The following GPAT2 variants were observed in gnomAD, a reference collection of about 807,000 sequenced individuals.
GPAT2 encodes the protein glycerol-3-phosphate acyltransferase 2, mitochondrial.
Under a neutral mutation model 71.0 loss-of-function variants are expected in GPAT2, and 51 were observed. That is an observed-to-expected ratio of 0.72 (90% CI 0.57 to 0.91). The LOEUF (loss-of-function observed/expected upper bound fraction) is 0.91, where lower values mean the gene tolerates loss of function less well. Ranked by LOEUF, GPAT2 falls within the 40% of genes least tolerant of loss-of-function variation. The pLI is 0.00. For synonymous variants in GPAT2, 222 were observed against 290.3 expected (o/e 0.76, Z 2.39); for missense variants, 511 against 666.0 (o/e 0.77, Z 2.56).
intron 20 of GPAT2, 83 bp from the exon 21 acceptor site, chr2:96,022,806 A>C (rs1308710774): frequency 1.9e-6 from 3 of 1,613,708 alleles, no homozygotes; most frequent in East Asian, 2.2e-5. Flanking sequence ...TTGTTTAAAG[A>C]AGCCCAGGGA....
Position 96,024,309 on chromosome 2 carries a change from G to C in GPAT2, c.1716C>G (p.Gly572=). ...CCCAGGGCCCCTGGGGCGGCACTCT[G>C]CCTGCCAGCAGCCCCCGCACTGCAC... is the stretch of plus-strand genomic sequence containing the variant. ...GACAVRGLLA[G]RVPPQGPWEL... Residue 572 remains glycine, a synonymous_variant, in exon 16 of 22, where the codon GGC becomes GGG. Transcript: ENST00000434632. 1 of 1,567,718 alleles carries C rather than the reference G, an allele frequency of 6.4e-7. No individual in the cohort carries two copies. Among genetic ancestry groups the C allele is most frequent in the Non-Finnish European group, 8.7e-7 (1 of 1,155,072 alleles).
intron 21 of GPAT2, 32 bp downstream of exon 21, chr2:96,022,636 G>T: frequency 1.2e-6 from 2 of 1,610,112 alleles, no homozygotes; most frequent in Non-Finnish European, 1.7e-6. Flanking sequence ...GGGAGCAGGG[G>T]GACAGAAGAT....
chr2:96,023,648 G>C, intron 17 of GPAT2: 1 of 659,032 alleles, frequency 1.5e-6, no homozygotes, highest in Non-Finnish European at 2.6e-6. Context: ...CTGTGGCCAA[G>C]AAATGTGGGG....
In GPAT2 at chr2:96,026,000, T is replaced by G. The variant is rs774553170; in HGVS notation, c.1168A>C (p.Ser390Arg). ...QPFSLQEYIV[S>R]ARSCWGGRQT... is the part of the protein sequence containing the mutation. ...CTGCCGCCCCAGCAGCTTCTGGCAC[T>G]GACGATGTATTCCTGCCCAAGAGAA... The change falls in exon 12 of 22, where the codon AGT becomes CGT. Residue 390 changes from serine (S) to arginine (R), a missense_variant. Coordinates refer to ENST00000434632, the MANE Select transcript of GPAT2 (RefSeq NM_001321527.2). 4.3e-6 allele frequency: 7 copies of G among 1,612,686 alleles called. No homozygotes were observed. The Admixed American group carries it at 1.2e-4, about 27-fold the overall frequency.
At position 96,024,641 on chromosome 2, in the gene GPAT2, C is replaced by T; in HGVS notation, c.1473G>A (p.Thr491=). The change falls in exon 15 of 22, where the codon ACG becomes ACA. Residue 491 remains threonine, a synonymous_variant. Coordinates refer to ENST00000434632, the MANE Select transcript of GPAT2 (RefSeq NM_001321527.2). Reference sequence around the variant, plus strand: ...CAAAGCCACGCAACAGTATCTCCTCCGTCAGCCAGGAGAACTCCCCCAGGA... The same window carrying T: ...CAAAGCCACGCAACAGTATCTCCTCTGTCAGCCAGGAGAACTCCCCCAGGA... ...SQLLGEFSWL[T]EEILLRGFDV... is the part of the protein sequence containing the mutation. The T allele has an allele frequency of 5.0e-6, 8 of 1,613,884 alleles. No homozygotes were observed. Among genetic ancestry groups the T allele is most frequent in the South Asian group, 1.1e-5 (1 of 91,088 alleles).
At chr2:96,023,611 G>A in intron 17 of GPAT2, 171 bp from the exon 18 acceptor site, 2 of 718,636 alleles carry the variant, frequency 2.8e-6, no homozygotes, top group South Asian at 3.7e-5. Flanking sequence ...GAGAGGAAGT[G>A]AATTCCCACC....
intron 16 of GPAT2, 33 bp downstream of exon 16, chr2:96,024,156 C>T (rs1248653594): frequency 6.7e-7 from 1 of 1,498,736 alleles, no homozygotes; most frequent in East Asian, 2.4e-5. Flanking sequence ...AGGGGAAGGC[C>T]TAGGACCAAG....
Position 96,024,851 on chromosome 2 carries a change from G to A in GPAT2, c.1358-8C>T. ...CAGAGCTCCCTACACTGGCTGGAGT[G>A]GGGCGGGGGGTGGAGATGCTGGTCA... is the stretch of plus-strand genomic sequence containing the variant. On this transcript the variant is annotated splice_region_variant and splice_polypyrimidine_tract_variant and intron_variant, in intron 13 of 21. Coordinates refer to ENST00000434632, the MANE Select transcript of GPAT2 (RefSeq NM_001321527.2). The A allele has an allele frequency of 6.2e-7, 1 of 1,612,444 alleles. No individual in the cohort carries two copies. The highest frequency in any genetic ancestry group is 8.5e-7 in the Non-Finnish European group (1 of 1,179,926).
chr2:96,022,581 G>C, intron 21 of GPAT2, 87 bp downstream of exon 21: 2 of 1,351,732 alleles, frequency 1.5e-6, no homozygotes, highest in Non-Finnish European at 2.1e-6. Flanking sequence ...GCCCTGTGGA[G>C]TGATGGGGAC....
rs1679893094 is a variant in GPAT2, at chr2:96,023,151, CAAAGGCCT to C, written c.2114_2121del (p.Lys705SerfsTer16). 6.2e-7 allele frequency: 1 copy of C among 1,608,460 alleles called. No individual in the cohort carries two copies. Among genetic ancestry groups the C allele is most frequent in the Non-Finnish European group, 8.5e-7 (1 of 1,177,320 alleles). On this transcript the variant is annotated frameshift_variant, in exon 19 of 22. Transcript: ENST00000434632. LOFTEE classifies it high-confidence loss of function. ...TGGCGGAGGAAGGCGGCAGCCTGTG[CAAAGGCCT>C]TGAGCAGCGGGCTGAGCAGGCGGCA...
Position 96,024,826 on chromosome 2 carries a change from C to T in GPAT2, c.1375G>A (p.Ala459Thr). ...GCCATAATGGCCGTGCTCATCACCG[C>T]AGAGCTCCCTACACTGGCTGGAGTG... ...HVLSASVGSS[A>T]VMSTAIMATL... is the part of the protein sequence containing the mutation. The change falls in exon 14 of 22, where the codon GCG becomes ACG. Residue 459 changes from alanine (A) to threonine (T), a missense_variant. Physicochemically the swap from Ala to Thr is moderately conservative, Grantham distance 58. Transcript: ENST00000434632. 6.2e-7 allele frequency: 1 copy of T among 1,613,402 alleles called. No individual in the cohort carries two copies. The highest frequency in any genetic ancestry group is 8.5e-7 in the Non-Finnish European group (1 of 1,179,974).
intron 3 of GPAT2, 45 bp downstream of exon 3, chr2:96,031,988 C>G (rs560257891): frequency 1.4e-6 from 2 of 1,477,838 alleles, no homozygotes; most frequent in South Asian, 1.2e-5. Flanking sequence ...CTTCGGCTCC[C>G]AGAACCAAGC....
rs1407149683 is a variant in GPAT2 at position 96,026,297 on chromosome 2, G to C, written c.1041C>G (p.Ala347=). The change falls in exon 11 of 22, where the codon GCC becomes GCG. Residue 347 remains alanine (A), a synonymous_variant. Transcript: ENST00000434632. ...DAPCDIDHAS[A]PLGLWTGALA... ...GAGCTCCTGTCCACAGCCCCAGGGG[G>C]GCCGAGGCCTGCAAGGAGGGAAAGG... 1.3e-6 allele frequency: 2 copies of C among 1,545,110 alleles called. No individual in the cohort carries two copies. Among genetic ancestry groups the C allele is most frequent in the South Asian group, 2.4e-5 (2 of 81,816 alleles).
chr2:96,023,500 C>G, intron 17 of GPAT2, 60 bp from the exon 18 acceptor site: 8 of 1,576,096 alleles, frequency 5.1e-6, no homozygotes, highest in Non-Finnish European at 7.0e-6. Flanking sequence ...CCTACACCCC[C>G]AGACCAGGTA....
rs1680159778 is a variant in GPAT2 at position 96,024,625 on chromosome 2, G to GCA, written c.1487_1488dup (p.Arg497CysfsTer6). On this transcript the variant is annotated frameshift_variant, in exon 15 of 22. Coordinates refer to ENST00000434632, the MANE Select transcript of GPAT2 (RefSeq NM_001321527.2). LOFTEE classifies it high-confidence loss of function. ...CCAGAGAAGCCTACATCAAAGCCACGCAACAGTATCTCCTCCGTCAGCCAG... is the reference window on the plus strand; with the variant it reads ...CCAGAGAAGCCTACATCAAAGCCACGCACAACAGTATCTCCTCCGTCAGCCAG... The GCA allele has an allele frequency of 1.2e-6, 2 of 1,613,768 alleles. No individual in the cohort carries two copies. Among genetic ancestry groups the GCA allele is most frequent in the Non-Finnish European group, 1.7e-6 (2 of 1,179,944 alleles).
chr2:96,032,411 CACAGAA>C lies in GPAT2; in HGVS notation c.-58_-53del, dbSNP rs1320785903. 2.4e-6 allele frequency: 3 copies of C among 1,225,040 alleles called. No homozygotes were observed. Among genetic ancestry groups the C allele is most frequent in the South Asian group, 1.2e-5 (1 of 80,698 alleles). 75.9% of individuals were successfully genotyped at this position (1,225,040 alleles called of 1,614,324 possible). On this transcript the variant is annotated splice_region_variant and 5_prime_UTR_variant, in exon 2 of 22. Transcript: ENST00000434632. ...TCACCTCTGGCACTCTCCTTCTCCC[CACAGAA>C]ACCTGAGCCGGGGAAAGGTGCAAGG...
At chr2:96,022,424 G>A (rs1679778873) in intron 21 of GPAT2, 149 bp from the exon 22 acceptor site, 1 of 1,061,592 alleles carries the variant, frequency 9.4e-7, no homozygotes, top group Non-Finnish European at 1.4e-6. Flanking sequence ...CCGCAAAGCA[G>A]TCCCAATACC....
chr2:96,024,380 C>T, intron 15 of GPAT2, 43 bp from the exon 16 acceptor site: 2 of 1,606,594 alleles, frequency 1.2e-6, no homozygotes, highest in Non-Finnish European at 1.7e-6. Flanking sequence ...CCGTTCCCTT[C>T]ACCACTGCAC....
At chr2:96,022,297 G>T (rs375784321) in intron 21 of GPAT2, 22 bp from the exon 22 acceptor site, 1 of 1,569,644 alleles carries the variant, frequency 6.4e-7, no homozygotes, top group Admixed American at 1.9e-5. Context: ...AAGATAAGCC[G>T]TGAGTGCGCT....
Sources: gnomAD v4.1 joint callset for allele counts on GRCh38, gnomAD v4.1.1 for gene constraint, MANE v1.5 for transcripts, NCBI Gene and HGNC (gene_info 2026-07-23, HGNC 2026-07-21) for gene names.